PRPF18: variants seen among roughly 807,000 people sequenced by gnomAD.
PRPF18 encodes the protein pre-mRNA-splicing factor 18.
PRPF18 carries 38 observed loss-of-function variants against 46.5 expected under a neutral mutation model. The observed-to-expected ratio is 0.82, with a 90% confidence interval of 0.63 to 1.07. PRPF18 has a LOEUF of 1.07. PRPF18 is among the 50% of genes least tolerant of loss of function. PRPF18 has a pLI of 0.00. For missense variants in PRPF18, 263 were observed against 410.0 expected (o/e 0.64, Z 3.10); for synonymous variants, 152 against 146.7 (o/e 1.04, Z -0.26).
At chr10:13,643,845 G>A in the PRPF18 span, 6 of 152,512 alleles carry the variant, frequency 3.9e-5, no homozygotes, top group Admixed American at 6.5e-5. Flanking sequence ...TGTCTACAAC[G>A]TACATCTTTT....
At chr10:13,638,305 T>C in the PRPF18 span, among the ~76,000 whole-genome samples, 59 of 151,526 alleles carry the variant, frequency 3.9e-4, no homozygotes, top group African/African-American at 1.4e-3. Flanking sequence ...TTTTCTTTTT[T>C]TTTTTTTTTT....
Position 13,600,265 on chromosome 10 carries a change from C to T in PRPF18, c.166C>T (p.Gln56Ter), listed in dbSNP as rs1170473455. 7 of 1,610,620 alleles carry T rather than the reference C, an allele frequency of 4.3e-6. No homozygotes were observed. The highest frequency in any genetic ancestry group is 5.1e-6 in the Non-Finnish European group (6 of 1,178,434). ...GYKIQPKEEDQKPLTSSNPVL... is the reference protein window; with the variant it reads ...GYKIQPKEED ...ATAGATACAGCCAAAAGAGGAGGAC[C>T]AGAAACCATTAACTTCATCGAATCC... The change falls in exon 3 of 10, where the codon CAG (glutamine) becomes TAG (stop). Residue 56 changes from glutamine to a stop codon, truncating the protein, a stop_gained. Coordinates refer to ENST00000378572, the MANE Select transcript of PRPF18 (RefSeq NM_003675.4). LOFTEE classifies it high-confidence loss of function.
chr10:13,597,227 C>T (rs1376460923), intron 1 of PRPF18, among the ~76,000 whole-genome samples: 3 of 152,264 alleles, frequency 2.0e-5, no homozygotes, highest in South Asian at 2.1e-4. Context: ...ATTGATACTG[C>T]AAGAAAAATA....
intron 4 of PRPF18, among the ~76,000 whole-genome samples, chr10:13,608,551 T>C (rs2080223669): frequency 6.6e-6 from 1 of 152,254 alleles, no homozygotes; most frequent in Admixed American, 6.5e-5. Context: ...TTCTGCCTTG[T>C]ATGCTCTGGT....
chr10:13,606,016 A>C (rs2080179027), intron 4 of PRPF18, among the ~76,000 whole-genome samples: 1 of 152,154 alleles, frequency 6.6e-6, no homozygotes, highest in African/African-American at 2.4e-5. Context: ...GAGCATCAGG[A>C]AGAATAGCGA....
At position 13,600,258 on chromosome 10, in the gene PRPF18, G is replaced by A; in HGVS notation, c.159G>A (p.Glu53=). The A allele has an allele frequency of 1.2e-6, 2 of 1,609,156 alleles. No individual in the cohort carries two copies. The highest frequency in any genetic ancestry group is 2.2e-5 in the East Asian group (1 of 44,476). Residue 53 remains glutamate (E), a synonymous_variant, in exon 3 of 10, where the codon GAG becomes GAA. Transcript: ENST00000378572. ...TATTAATATAGATACAGCCAAAAGAGGAGGACCAGAAACCATTAACTTCAT... is the reference window on the plus strand; with the variant it reads ...TATTAATATAGATACAGCCAAAAGAAGAGGACCAGAAACCATTAACTTCAT... The part of the protein sequence containing the change: ...ERCGYKIQPK[E]EDQKPLTSSN...
At chr10:13,652,384 C>T in the PRPF18 span, 1 of 204,346 alleles carries the variant, frequency 4.9e-6, no homozygotes, top group Non-Finnish European at 9.9e-6. Context: ...CCAAATAATA[C>T]AATCAATCAT....
chr10:13,612,090 C>T (rs1264719884), intron 6 of PRPF18, among the ~76,000 whole-genome samples: 1 of 151,832 alleles, frequency 6.6e-6, no homozygotes, highest in Non-Finnish European at 1.5e-5. Context: ...ATGTTGGCCA[C>T]GCTGATCTTG....
At chr10:13,626,853 C>G (rs1403041732) in intron 9 of PRPF18, among the ~76,000 whole-genome samples, 1 of 151,012 alleles carries the variant, frequency 6.6e-6, no homozygotes, top group Non-Finnish European at 1.5e-5. Context: ...CGGAATTATC[C>G]TTGGCTTTTT....
At chr10:13,609,188 A>G (rs2080236014) in intron 4 of PRPF18, among the ~76,000 whole-genome samples, 1 of 152,226 alleles carries the variant, frequency 6.6e-6, no homozygotes, top group South Asian at 2.1e-4. Flanking sequence ...TCCATTTCTT[A>G]GCTTACTTGC....
intron 9 of PRPF18, among the ~76,000 whole-genome samples, chr10:13,620,421 A>T (rs1285543613): frequency 6.6e-6 from 1 of 152,238 alleles, no homozygotes; most frequent in African/African-American, 2.4e-5. Context: ...AAATTGCGGT[A>T]TAAAATGCCT....
the PRPF18 span, chr10:13,654,439 G>A: frequency 9.9e-6 from 16 of 1,611,982 alleles, no homozygotes; most frequent in Non-Finnish European, 1.4e-5. Flanking sequence ...TTAGGATGTG[G>A]TGGGGGCTGC....
chr10:13,634,077 C>T (rs74445656), downstream of PRPF18, among the ~76,000 whole-genome samples: 14,270 of 152,176 alleles, frequency 0.094, 853 homozygotes, highest in Non-Finnish European at 0.13. Flanking sequence ...TGTGGCCAGC[C>T]GCGCAGCTAT....
At chr10:13,598,349 A>T (rs1041910400) in intron 2 of PRPF18, among the ~76,000 whole-genome samples, 4 of 152,166 alleles carry the variant, frequency 2.6e-5, no homozygotes, top group African/African-American at 9.7e-5. Context: ...CAAATCATAA[A>T]CTTGTAATTA....
the PRPF18 span, among the ~76,000 whole-genome samples, chr10:13,650,654 T>G: frequency 6.6e-6 from 1 of 152,178 alleles, no homozygotes. Flanking sequence ...CTACCTTCCT[T>G]CCAAAGCCTA....
the PRPF18 span, chr10:13,649,472 G>T: frequency 7.8e-6 from 1 of 127,720 alleles, no homozygotes; most frequent in Non-Finnish European, 1.9e-5. Context: ...CTGGATTGGT[G>T]GTTTGGTTCT....
chr10:13,596,629 A>T (rs1471243801), intron 1 of PRPF18, among the ~76,000 whole-genome samples: 1 of 152,194 alleles, frequency 6.6e-6, no homozygotes, highest in Non-Finnish European at 1.5e-5. Flanking sequence ...CAAGCCTCCA[A>T]ATTACGGACT....
At chr10:13,643,430 T>A in the PRPF18 span, 1 of 152,208 alleles carries the variant, frequency 6.6e-6, no homozygotes, top group Non-Finnish European at 1.5e-5. Context: ...ACCTCTAATC[T>A]CAAGTCCTTT....
At chr10:13,654,372 C>T in the PRPF18 span, 5 of 1,190,300 alleles carry the variant, frequency 4.2e-6, no homozygotes, top group South Asian at 1.3e-5. Flanking sequence ...GTCTATGACA[C>T]TCTTTCGAGC....
Sources: gnomAD v4.1 joint callset for allele counts (sites outside exome capture counted in the v4.1 genomes callset) on GRCh38, gnomAD v4.1.1 for gene constraint, MANE v1.5 for transcripts, NCBI Gene and HGNC (gene_info 2026-07-23, HGNC 2026-07-21) for gene names.